NKD1: variants seen among roughly 807,000 people sequenced by gnomAD.
The protein encoded by NKD1 is NKD inhibitor of Wnt signaling pathway 1.
A neutral mutation model predicts 56.0 loss-of-function variants in NKD1; 21 were observed. That is an observed-to-expected ratio of 0.38 (90% CI 0.27 to 0.54). The LOEUF is 0.54. Among genes scored for constraint, NKD1 ranks in the 20% least tolerant of loss-of-function variants. The pLI, the probability that NKD1 is intolerant of heterozygous loss-of-function variation, is 0.82. For synonymous variants in NKD1, 263 were observed against 265.7 expected, an observed-to-expected ratio of 0.99 and a Z score of 0.10; for missense variants, 578 against 642.7, an observed-to-expected ratio of 0.90 and a Z score of 1.09.
At chr16:50,567,014 C>CG (rs1960774248) in intron 3 of NKD1, among the ~76,000 whole-genome samples, 1 of 150,572 alleles carries the variant, frequency 6.6e-6, no homozygotes, top group Admixed American at 6.6e-5. Flanking sequence ...GGCCCCCCCC[C>CG]TTTTTTTTTA....
chr16:50,554,683 G>A (rs1960462673), intron 3 of NKD1, among the ~76,000 whole-genome samples: 1 of 152,144 alleles, frequency 6.6e-6, no homozygotes, highest in Admixed American at 6.6e-5. Flanking sequence ...CACCCAGGCT[G>A]GGGTGCAGTG....
At chr16:50,559,053 G>A (rs1049762085) in intron 3 of NKD1, among the ~76,000 whole-genome samples, 1 of 152,254 alleles carries the variant, frequency 6.6e-6, no homozygotes, top group Admixed American at 6.5e-5. Flanking sequence ...AGTCCCAGCT[G>A]CACTTCTCCC....
chr16:50,561,235 C>T (rs998568349), intron 3 of NKD1, among the ~76,000 whole-genome samples: 4 of 152,086 alleles, frequency 2.6e-5, no homozygotes, highest in African/African-American at 9.7e-5. Flanking sequence ...AGACATGGCT[C>T]AGTCATCAGG....
At chr16:50,581,807 G>C (rs372360608) in intron 3 of NKD1, among the ~76,000 whole-genome samples, 4 of 152,220 alleles carry the variant, frequency 2.6e-5, no homozygotes, top group Admixed American at 6.5e-5. Context: ...AGTGGGACCT[G>C]GGGAGGGCAG....
At chr16:50,575,163 C>G (rs895173100) in intron 3 of NKD1, 8 of 985,160 alleles carry the variant, frequency 8.1e-6, no homozygotes, top group African/African-American at 1.7e-5. Flanking sequence ...CTGCCCTCCC[C>G]CTAGTAACCC....
chr16:50,616,063 T>C (rs1204116897), intron 4 of NKD1: 2 of 455,866 alleles, frequency 4.4e-6, no homozygotes, highest in South Asian at 3.1e-5. Flanking sequence ...TGTCAGAAGG[T>C]TGTGGACTCA....
At chr16:50,618,458 GA>G (rs1192934323) in intron 4 of NKD1, among the ~76,000 whole-genome samples, 2 of 152,226 alleles carry the variant, frequency 1.3e-5, no homozygotes, top group Non-Finnish European at 2.9e-5. Context: ...CTGATGGGTG[GA>G]GGGTGGTTTC....
chr16:50,606,550 G>T, intron 3 of NKD1: 3 of 340,244 alleles, frequency 8.8e-6, no homozygotes, highest in South Asian at 6.8e-5. Flanking sequence ...CTGTCATTAG[G>T]TGGTGACTGG....
At chr16:50,587,894 T>C (rs1326264333) in intron 3 of NKD1, among the ~76,000 whole-genome samples, 1 of 152,240 alleles carries the variant, frequency 6.6e-6, no homozygotes, top group African/African-American at 2.4e-5. Flanking sequence ...GTGCTCCTTA[T>C]GGAAATCTAT....
At position 50,644,853 on chromosome 16, in the gene NKD1, C is replaced by T. The variant is rs574529873; in HGVS notation, c.*11072C>T. 8 of 152,460 alleles carry T rather than the reference C, an allele frequency of 5.2e-5. No individual in the cohort carries two copies. The highest frequency in any genetic ancestry group is 2.0e-4 in the Admixed American group (3 of 15,312). 9.4% of individuals were successfully genotyped at this position (152,460 alleles called of 1,614,324 possible). On this transcript the variant is annotated 3_prime_UTR_variant, in exon 10 of 10. Transcript: ENST00000268459. ...CCCTTCCTTCCCTCCTCCCTCCTTT[C>T]TTCACTGGGGAGAAAGAATTTGGCA...
intron 2 of NKD1, 152 bp downstream of exon 2, chr16:50,548,901 T>A: frequency 8.7e-7 from 1 of 1,145,850 alleles, no homozygotes; most frequent in Non-Finnish European, 1.1e-6. Flanking sequence ...CTGAGCAGCC[T>A]TCGCGCCCCC....
chr16:50,572,930 G>A, intron 3 of NKD1: 4 of 958,828 alleles, frequency 4.2e-6, no homozygotes, highest in Non-Finnish European at 5.0e-6. Context: ...GGGTGGGAGA[G>A]TGGGCTCTGG....
At chr16:50,573,966 CAT>C (rs1458251501) in intron 3 of NKD1, 1 of 976,518 alleles carries the variant, frequency 1.0e-6, no homozygotes, top group Admixed American at 6.2e-5. Flanking sequence ...ATGTATATGA[CAT>C]ATATGTATGT....
intron 3 of NKD1, among the ~76,000 whole-genome samples, chr16:50,592,110 G>A (rs1254559409): frequency 2.6e-5 from 4 of 152,324 alleles, no homozygotes; most frequent in African/African-American, 9.6e-5. Flanking sequence ...ACAGGGAGAC[G>A]CCAGGCCTGT....
At chr16:50,601,607 A>G (rs1961598381) in intron 3 of NKD1, among the ~76,000 whole-genome samples, 1 of 152,182 alleles carries the variant, frequency 6.6e-6, no homozygotes, top group Non-Finnish European at 1.5e-5. Flanking sequence ...TGCCGATGAG[A>G]TGAGATGCAG....
intron 5 of NKD1, 102 bp from the exon 6 acceptor site, chr16:50,625,383 C>A: frequency 1.3e-6 from 1 of 799,226 alleles, no homozygotes; most frequent in Non-Finnish European, 2.2e-6. Flanking sequence ...GGGCAGAGGA[C>A]AGGTGGCCGC....
intron 3 of NKD1, among the ~76,000 whole-genome samples, chr16:50,567,517 T>A (rs1472409961): frequency 1.3e-5 from 2 of 152,192 alleles, no homozygotes; most frequent in Non-Finnish European, 2.9e-5. Flanking sequence ...CTAGGTGTCT[T>A]GGAGTTAGTT....
intron 3 of NKD1, among the ~76,000 whole-genome samples, chr16:50,588,394 T>A (rs903053677): frequency 6.6e-6 from 1 of 152,192 alleles, no homozygotes; most frequent in Admixed American, 6.5e-5. Flanking sequence ...AGCTATGCTG[T>A]TGAGGCTATA....
chr16:50,608,186 A>C, intron 3 of NKD1, 108 bp from the exon 4 acceptor site: 1 of 819,406 alleles, frequency 1.2e-6, no homozygotes, highest in South Asian at 1.3e-5. Flanking sequence ...AGTTGACCTG[A>C]ATTCCAATCA....
Sources: allele counts gnomAD v4.1 joint callset (sites outside exome capture counted in the v4.1 genomes callset), GRCh38; gene constraint gnomAD v4.1.1; transcripts MANE v1.5; gene names NCBI Gene and HGNC (gene_info 2026-07-23, HGNC 2026-07-21).